Variants in FAM107B observed in about 807,000 individuals in gnomAD.
The protein encoded by FAM107B is protein FAM107B.
Under a neutral mutation model 31.5 loss-of-function variants are expected in FAM107B, and 21 were observed. That is an observed-to-expected ratio of 0.67 (90% CI 0.47 to 0.96). FAM107B has a LOEUF of 0.96. FAM107B is among the 40% of genes least tolerant of loss of function. The pLI is 0.00. For synonymous variants in FAM107B, 157 were observed against 141.5 expected (o/e 1.11, Z -0.78); for missense variants, 452 against 377.1 (o/e 1.20, Z -1.64).
At chr10:14,770,809 T>C (rs1347357538) in intron 1 of FAM107B, among the ~76,000 whole-genome samples, 1 of 151,810 alleles carries the variant, frequency 6.6e-6, no homozygotes, top group East Asian at 1.9e-4. Flanking sequence ...CAAACAAAAA[T>C]GTTTCATATT....
At chr10:14,772,873 C>G (rs573180188) in intron 1 of FAM107B, among the ~76,000 whole-genome samples, 1 of 152,242 alleles carries the variant, frequency 6.6e-6, no homozygotes, top group South Asian at 2.1e-4. Flanking sequence ...TCAAAGTAAC[C>G]CTTTGTTCTT....
chr10:14,742,706 T>C (rs558629629), intron 1 of FAM107B, among the ~76,000 whole-genome samples: 2 of 152,312 alleles, frequency 1.3e-5, no homozygotes, highest in African/African-American at 4.8e-5. Flanking sequence ...GAGGTAGTAA[T>C]GGCCATATTT....
intron 2 of FAM107B, among the ~76,000 whole-genome samples, chr10:14,651,395 C>G (rs750974995): frequency 6.6e-6 from 1 of 152,100 alleles, no homozygotes; most frequent in Non-Finnish European, 1.5e-5. Context: ...CACCTGAGGT[C>G]GGGAGTTCGA....
chr10:14,521,248 T>C lies in FAM107B; in HGVS notation c.863A>G (p.Lys288Arg), dbSNP rs202167032. The change falls in exon 5 of 5, where the codon AAG becomes AGG. Residue 288 changes from lysine (K) to arginine (R), a missense_variant. Coordinates refer to ENST00000181796, the MANE Select transcript of FAM107B (RefSeq NM_031453.4). ...EEQENAPEFVKVKGNLRRTGQ... is the reference protein window; with the variant it reads ...EEQENAPEFVRVKGNLRRTGQ... ...TGTTCTCCTGAGATTGCCTTTCACC[T>C]TCACAAACTCGGGGGCATTTTCTTG... is the stretch of plus-strand genomic sequence containing the variant. The C allele has an allele frequency of 1.4e-5, 22 of 1,614,050 alleles. No individual in the cohort carries two copies. The highest frequency in any genetic ancestry group is 8.0e-5 in the African/African-American group (6 of 74,918).
In FAM107B at chr10:14,723,368, T is replaced by C. The variant is rs1855957577; in HGVS notation, c.411+50885A>G. ...GAACTCAGGTGCTGGAGCAGTCGAT[T>C]TGCCCTGAAATTCCTCCTTGGTCAC... is the stretch of plus-strand genomic sequence containing the variant. On this transcript the variant is annotated intron_variant, in intron 1 of 4. Coordinates refer to ENST00000181796, the MANE Select transcript of FAM107B (RefSeq NM_031453.4). The C allele has an allele frequency of 7.3e-6, 4 of 547,544 alleles. No individual in the cohort carries two copies. The Admixed American group carries it at 7.6e-5, about 10-fold the overall frequency. 33.9% of individuals were successfully genotyped at this position (547,544 alleles called of 1,614,324 possible).
At chr10:14,766,558 A>G (rs1216288687) in intron 1 of FAM107B, among the ~76,000 whole-genome samples, 2 of 151,882 alleles carry the variant, frequency 1.3e-5, no homozygotes, top group African/African-American at 4.8e-5. Flanking sequence ...TTTGATTTTT[A>G]CTCTGAGGGA....
chr10:14,762,752 TCTCACACACACACACACACA>T (rs1235037072), intron 1 of FAM107B, among the ~76,000 whole-genome samples: 123 of 117,576 alleles, frequency 1.0e-3, no homozygotes, highest in African/African-American at 3.5e-3. Flanking sequence ...TGAAACTCTG[TCTCACACACACACACACACA>T]CACACACACA....
intron 1 of FAM107B, among the ~76,000 whole-genome samples, chr10:14,747,834 G>A (rs370939078): frequency 2.0e-5 from 3 of 152,188 alleles, no homozygotes; most frequent in Admixed American, 6.5e-5. Context: ...GGTGGAGGGG[G>A]TGCACTGTAC....
chr10:14,604,139 C>A, intron 2 of FAM107B: 1 of 801,928 alleles, frequency 1.2e-6, no homozygotes, highest in Non-Finnish European at 1.5e-6. Context: ...GGCCGCCCGC[C>A]CGCCGAGAGG....
chr10:14,682,445 C>G (rs562908749), intron 1 of FAM107B, among the ~76,000 whole-genome samples: 1 of 152,328 alleles, frequency 6.6e-6, no homozygotes, highest in South Asian at 2.1e-4. Flanking sequence ...AAGAGGATCA[C>G]TTGAACCCAG....
intron 2 of FAM107B, among the ~76,000 whole-genome samples, chr10:14,625,255 C>T (rs948118358): frequency 3.9e-5 from 4 of 102,428 alleles, no homozygotes; most frequent in Non-Finnish European, 9.5e-5. Flanking sequence ...ATGTCGTGTG[C>T]GTGCGTGTGT....
At chr10:14,541,964 G>A (rs1013370671) in intron 2 of FAM107B, among the ~76,000 whole-genome samples, 1 of 152,056 alleles carries the variant, frequency 6.6e-6, no homozygotes, top group African/African-American at 2.4e-5. Context: ...GTATTAAAAC[G>A]TACTGAATGG....
intron 1 of FAM107B, among the ~76,000 whole-genome samples, chr10:14,750,810 G>T (rs919574537): frequency 6.6e-6 from 1 of 152,122 alleles, no homozygotes; most frequent in African/African-American, 2.4e-5. Flanking sequence ...TTACCTGGGT[G>T]GTGCATGCTT....
At chr10:14,712,170 G>A (rs1855663964) in intron 1 of FAM107B, among the ~76,000 whole-genome samples, 1 of 152,088 alleles carries the variant, frequency 6.6e-6, no homozygotes, top group African/African-American at 2.4e-5. Flanking sequence ...ACAGAACTTA[G>A]GATATTCAAT....
intron 1 of FAM107B, among the ~76,000 whole-genome samples, chr10:14,707,515 G>C (rs746619569): frequency 2.6e-5 from 4 of 152,166 alleles, no homozygotes; most frequent in African/African-American, 4.8e-5. Context: ...AGACTGACGA[G>C]AGGTGAATCC....
At chr10:14,754,134 T>C (rs950554647) in intron 1 of FAM107B, among the ~76,000 whole-genome samples, 2 of 152,126 alleles carry the variant, frequency 1.3e-5, no homozygotes, top group Non-Finnish European at 2.9e-5. Context: ...GGACAGGGTT[T>C]TGCCATGTTG....
At chr10:14,663,164 C>T (rs1854292908) in intron 2 of FAM107B, among the ~76,000 whole-genome samples, 1 of 152,238 alleles carries the variant, frequency 6.6e-6, no homozygotes, top group Non-Finnish European at 1.5e-5. Flanking sequence ...GAAGGCTGCA[C>T]TGTCGGCTTC....
chr10:14,699,574 G>A (rs560669537), intron 1 of FAM107B, among the ~76,000 whole-genome samples: 11 of 152,254 alleles, frequency 7.2e-5, no homozygotes, highest in Admixed American at 6.5e-4. Flanking sequence ...GCAATGAATC[G>A]GAGGGTGCCT....
At chr10:14,591,190 T>G (rs1320878822) in intron 2 of FAM107B, among the ~76,000 whole-genome samples, 2 of 152,206 alleles carry the variant, frequency 1.3e-5, no homozygotes, top group African/African-American at 4.8e-5. Context: ...CTCTCTATCA[T>G]GGTCTGCACC....
Sources: allele counts gnomAD v4.1 joint callset (sites outside exome capture counted in the v4.1 genomes callset), GRCh38; gene constraint gnomAD v4.1.1; transcripts MANE v1.5; gene names NCBI Gene and HGNC (gene_info 2026-07-23, HGNC 2026-07-21).